Variants in LRRC7 observed in about 807,000 individuals in gnomAD.
LRRC7 encodes the protein leucine rich repeat containing 7, also known as leucine-rich repeat-containing protein 7.
LRRC7 carries 23 observed loss-of-function variants against 175.7 expected under a neutral mutation model. The ratio of observed to expected loss-of-function variants is 0.13; its 90% CI spans 0.09 to 0.19. LRRC7 has a LOEUF of 0.19. Ranked by LOEUF, LRRC7 falls within the 10% of genes least tolerant of loss-of-function variation. LRRC7 has a pLI of 1.00. For synonymous variants in LRRC7, 685 were observed against 680.9 expected (o/e 1.01, Z -0.09); for missense variants, 1,354 against 1,904.7 (o/e 0.71, Z 5.38).
At chr1:69,811,085 C>T (rs1357734176) in intron 4 of LRRC7, among the ~76,000 whole-genome samples, 2 of 152,082 alleles carry the variant, frequency 1.3e-5, no homozygotes, top group Admixed American at 6.6e-5. Context: ...AAGAAAAAAA[C>T]AACCCCATCA....
intron 8 of LRRC7, among the ~76,000 whole-genome samples, chr1:69,977,513 A>G (rs1652945199): frequency 6.6e-6 from 1 of 152,136 alleles, no homozygotes. Flanking sequence ...CTGTGTATCC[A>G]TTCTTCTCAT....
Position 70,053,011 on chromosome 1 carries a change from C to T in LRRC7, c.4111-15C>T. The T allele has an allele frequency of 3.1e-6, 5 of 1,589,336 alleles. No individual in the cohort carries two copies. Among genetic ancestry groups the T allele is most frequent in the Non-Finnish European group, 4.3e-6 (5 of 1,168,290 alleles). Reference sequence around the variant, plus strand: ...TACTACATCACTAAAGAATGCCATACCATTTTTGCAATAGACCCCGTCCCA... The same window carrying T: ...TACTACATCACTAAAGAATGCCATATCATTTTTGCAATAGACCCCGTCCCA... On this transcript the variant is annotated splice_polypyrimidine_tract_variant and intron_variant, in intron 22 of 26. Transcript: ENST00000651989.
At chr1:69,729,485 G>C (rs1254792670) in intron 2 of LRRC7, among the ~76,000 whole-genome samples, 1 of 152,126 alleles carries the variant, frequency 6.6e-6, no homozygotes, top group East Asian at 1.9e-4. Flanking sequence ...AAACAAAGGA[G>C]CCACAGGCCC....
chr1:69,907,869 C>A (rs556222061), intron 7 of LRRC7, among the ~76,000 whole-genome samples: 1 of 151,912 alleles, frequency 6.6e-6, no homozygotes, highest in African/African-American at 2.4e-5. Flanking sequence ...TGGTAGAATT[C>A]GGCTGTGAAT....
At chr1:70,063,486 A>C (rs1428590583) in intron 23 of LRRC7, among the ~76,000 whole-genome samples, 1 of 152,088 alleles carries the variant, frequency 6.6e-6, no homozygotes, top group East Asian at 1.9e-4. Context: ...CTTATGGACC[A>C]ATGAAGTAAA....
At chr1:69,915,586 G>C (rs981418250) in intron 7 of LRRC7, among the ~76,000 whole-genome samples, 10 of 152,058 alleles carry the variant, frequency 6.6e-5, no homozygotes, top group African/African-American at 2.4e-4. Context: ...ACGAACATTT[G>C]TATATTTTGT....
chr1:69,822,426 C>T (rs141382654), intron 4 of LRRC7, among the ~76,000 whole-genome samples: 162 of 152,260 alleles, frequency 1.1e-3, no homozygotes, highest in African/African-American at 3.8e-3. Context: ...TGAGGCATAC[C>T]GAACAGGTCA....
intron 7 of LRRC7, among the ~76,000 whole-genome samples, chr1:69,897,918 G>A (rs6663915): frequency 0.41 from 62,438 of 152,050 alleles, 13,600 homozygotes; most frequent in East Asian, 0.55. Flanking sequence ...CTTGCATTTT[G>A]TCACTTGCAT....
At chr1:69,806,006 A>T (rs568620225) in intron 4 of LRRC7, among the ~76,000 whole-genome samples, 18 of 151,978 alleles carry the variant, frequency 1.2e-4, no homozygotes, top group African/African-American at 4.3e-4. Flanking sequence ...GTCTCAGTAG[A>T]TCCTTAAAAA....
At chr1:70,112,806 G>C (rs762311478) in intron 26 of LRRC7, among the ~76,000 whole-genome samples, 3 of 152,106 alleles carry the variant, frequency 2.0e-5, no homozygotes, top group Non-Finnish European at 4.4e-5. Context: ...AGAAAAGGAG[G>C]AGGAGGAGGA....
chr1:69,783,490 C>T (rs1324905091), intron 3 of LRRC7, among the ~76,000 whole-genome samples: 1 of 152,102 alleles, frequency 6.6e-6, no homozygotes. Context: ...GGCGCAGTGG[C>T]TCACAACTGT....
intron 8 of LRRC7, 26 bp downstream of exon 8, chr1:69,931,596 G>T: frequency 6.4e-7 from 1 of 1,563,500 alleles, no homozygotes; most frequent in African/African-American, 1.4e-5. Context: ...TTCTAAACCT[G>T]ATAAATACCC....
intron 23 of LRRC7, among the ~76,000 whole-genome samples, chr1:70,069,872 T>C (rs2102110932): frequency 6.6e-6 from 1 of 152,360 alleles, no homozygotes; most frequent in East Asian, 1.9e-4. Context: ...CTCTGTTTTC[T>C]ACAGTCTGCT....
chr1:69,705,817 C>T (rs1178100681), intron 2 of LRRC7, among the ~76,000 whole-genome samples: 1 of 152,068 alleles, frequency 6.6e-6, no homozygotes, highest in African/African-American at 2.4e-5. Flanking sequence ...TGGACATGAC[C>T]AGAATGACCT....
intron 2 of LRRC7, among the ~76,000 whole-genome samples, chr1:69,734,417 G>T (rs1667897267): frequency 6.6e-6 from 1 of 151,788 alleles, no homozygotes; most frequent in African/African-American, 2.4e-5. Flanking sequence ...TTATAATACA[G>T]TATGTGAGTT....
Position 69,919,829 on chromosome 1 carries a change from C to T in LRRC7, c.648-11678C>T, listed in dbSNP as rs545672459. On this transcript the variant is annotated intron_variant, in intron 7 of 26. Coordinates refer to ENST00000651989, the MANE Select transcript of LRRC7 (RefSeq NM_001370785.2). ...GGATTCCGGCATCCACGTCATTGTC[C>T]GCACGGAGTGAGGATTGGGGGCCCA... 3.5e-5 allele frequency: 26 copies of T among 735,610 alleles called. No homozygotes were observed. The East Asian group carries it at 6.1e-4, about 17-fold the overall frequency. The allele number at this position is 735,610 out of a possible 1,614,324, so 45.6% of individuals were successfully genotyped here.
intron 7 of LRRC7, among the ~76,000 whole-genome samples, chr1:69,873,285 C>T (rs2101586933): frequency 6.6e-6 from 1 of 152,116 alleles, no homozygotes; most frequent in South Asian, 2.1e-4. Context: ...AACATTTTTT[C>T]CTAATCCTAG....
At chr1:69,782,834 T>C (rs568101251) in intron 3 of LRRC7, among the ~76,000 whole-genome samples, 66 of 152,288 alleles carry the variant, frequency 4.3e-4, no homozygotes, top group Non-Finnish European at 6.2e-4. Context: ...GGGCTTCAGG[T>C]GGTTTGCAAG....
intron 8 of LRRC7, among the ~76,000 whole-genome samples, chr1:69,964,485 A>G (rs915703771): frequency 6.6e-6 from 1 of 152,210 alleles, no homozygotes; most frequent in Admixed American, 6.5e-5. Flanking sequence ...ACAGTCATGA[A>G]GAGTCTACAT....
Sources: allele counts gnomAD v4.1 joint callset (sites outside exome capture counted in the v4.1 genomes callset), GRCh38; gene constraint gnomAD v4.1.1; transcripts MANE v1.5; gene names NCBI Gene and HGNC (gene_info 2026-07-23, HGNC 2026-07-21).